The following CCDC50 variants were observed in gnomAD, a reference collection of about 807,000 sequenced individuals.
The protein encoded by CCDC50 is coiled-coil domain-containing protein 50.
A neutral mutation model predicts 70.2 loss-of-function variants in CCDC50; 54 were observed. That is an observed-to-expected ratio of 0.77 (90% CI 0.62 to 0.96). The LOEUF is 0.96. CCDC50 is among the 50% of genes least tolerant of loss of function. The pLI, the probability that CCDC50 is intolerant of heterozygous loss-of-function variation, is 0.00. For missense variants in CCDC50, 558 were observed against 578.7 expected (o/e 0.96, Z 0.37); for synonymous variants, 216 against 198.8 (o/e 1.09, Z -0.73).
At chr3:191,374,987 C>T (rs113203739) in intron 5 of CCDC50, 75 bp from the exon 6 acceptor site, 3 of 1,447,660 alleles carry the variant, frequency 2.1e-6, no homozygotes, top group Admixed American at 1.7e-5. Context: ...CAGACTCCCC[C>T]CTGTGTAGTG....
At chr3:191,365,088 A>ATGTGTGTGTGTGTGTG (rs111869044) in intron 4 of CCDC50, among the ~76,000 whole-genome samples, 52 of 151,590 alleles carry the variant, frequency 3.4e-4, no homozygotes, top group African/African-American at 1.3e-3. Context: ...GCATGACTAG[A>ATGTGTGTGTGTGTGTG]TGTGTGTGTG....
chr3:191,365,464 A>G (rs1349458815), intron 4 of CCDC50, among the ~76,000 whole-genome samples: 1 of 152,182 alleles, frequency 6.6e-6, no homozygotes, highest in Admixed American at 6.5e-5. Flanking sequence ...AAATATGACT[A>G]GAAAGGGAGA....
intron 1 of CCDC50, among the ~76,000 whole-genome samples, chr3:191,342,992 G>A (rs1339207855): frequency 6.6e-6 from 1 of 152,160 alleles, no homozygotes; most frequent in East Asian, 1.9e-4. Flanking sequence ...CCCTTGAACA[G>A]TGTGGGTTTG....
At position 191,361,178 on chromosome 3, in the gene CCDC50, C is replaced by G. The variant is rs1202298596; in HGVS notation, c.330+19C>G. 1 of 1,567,598 alleles carries G rather than the reference C, an allele frequency of 6.4e-7. No individual in the cohort carries two copies. Among genetic ancestry groups the G allele is most frequent in the South Asian group, 1.1e-5 (1 of 90,210 alleles). On this transcript the variant is annotated intron_variant, in intron 4 of 11. Coordinates refer to ENST00000392455, the MANE Select transcript of CCDC50 (RefSeq NM_178335.3). ...GGATGAGGTATAACTTAGTTACTGC[C>G]CCTCTCCCTCATGGAGAAAGGGGTG...
Position 191,329,558 on chromosome 3 carries a change from C to A in CCDC50, c.-117C>A. The A allele has an allele frequency of 1.0e-6, 1 of 999,016 alleles. No individual in the cohort carries two copies. Among genetic ancestry groups the A allele is most frequent in the Non-Finnish European group, 1.4e-6 (1 of 701,340 alleles). The allele number at this position is 999,016 out of a possible 1,614,324, so 61.9% of individuals were successfully genotyped here. A position where few individuals can be genotyped will look rare whatever the true frequency, so the allele number is the denominator to read the frequency against. ...CCCGCTCCGTTCTCCGGCCTGCGAG[C>A]CCTGCCGGCCGGACTTTGCGCCGCG... On this transcript the variant is annotated 5_prime_UTR_variant, in exon 1 of 12. Coordinates refer to ENST00000392455, the MANE Select transcript of CCDC50 (RefSeq NM_178335.3).
chr3:191,341,929 G>A (rs1711746392), intron 1 of CCDC50, among the ~76,000 whole-genome samples: 1 of 152,094 alleles, frequency 6.6e-6, no homozygotes, highest in Admixed American at 6.6e-5. Flanking sequence ...TTATTTTTAT[G>A]TAAGCTTACT....
rs771301925 is a variant in CCDC50, at chr3:191,398,541, G to A, written c.*6781G>A. The A allele has an allele frequency of 6.6e-6, 1 of 152,080 alleles. No individual in the cohort carries two copies. The highest frequency in any genetic ancestry group is 2.4e-5 in the African/African-American group (1 of 41,402). The allele number at this position is 152,080 out of a possible 1,614,324, so 9.4% of individuals were successfully genotyped here. A position where few individuals can be genotyped will look rare whatever the true frequency, so the allele number is the denominator to read the frequency against. ...ATTATTTACAAAATGACCCTAATAGGTCTGTTTAGTAACAGTGAAATTTTT... is the reference window on the plus strand; with the variant it reads ...ATTATTTACAAAATGACCCTAATAGATCTGTTTAGTAACAGTGAAATTTTT... On this transcript the variant is annotated 3_prime_UTR_variant, in exon 12 of 12. Coordinates refer to ENST00000392455, the MANE Select transcript of CCDC50 (RefSeq NM_178335.3).
chr3:191,361,573 T>G (rs1019555274), intron 4 of CCDC50, among the ~76,000 whole-genome samples: 1 of 152,210 alleles, frequency 6.6e-6, no homozygotes, highest in African/African-American at 2.4e-5. Context: ...ATTCCTTGGC[T>G]TGTATCTGCA....
chr3:191,369,811 C>T, intron 4 of CCDC50, 108 bp from the exon 5 acceptor site: 1 of 785,150 alleles, frequency 1.3e-6, no homozygotes. Context: ...GTCTAGAGAG[C>T]CATGGACAGA....
At chr3:191,378,566 A>G (rs1438162258) in intron 6 of CCDC50, among the ~76,000 whole-genome samples, 2 of 152,054 alleles carry the variant, frequency 1.3e-5, no homozygotes, top group East Asian at 3.8e-4. Flanking sequence ...AGATTGGAAC[A>G]TGGTTTATAT....
chr3:191,362,442 A>G (rs1209240659), intron 4 of CCDC50, among the ~76,000 whole-genome samples: 1 of 152,168 alleles, frequency 6.6e-6, no homozygotes, highest in African/African-American at 2.4e-5. Flanking sequence ...AGCACTTCTT[A>G]TGAACAATTT....
chr3:191,377,642 A>G (rs2108664852), intron 6 of CCDC50, among the ~76,000 whole-genome samples: 1 of 152,242 alleles, frequency 6.6e-6, no homozygotes, highest in African/African-American at 2.4e-5. Flanking sequence ...GGCTTATTAC[A>G]AATACTCTTA....
intron 3 of CCDC50, among the ~76,000 whole-genome samples, 152 bp from the exon 4 acceptor site, chr3:191,360,916 CG>C (rs1712464470): frequency 6.6e-6 from 1 of 152,050 alleles, no homozygotes; most frequent in Non-Finnish European, 1.5e-5. Context: ...TAAATGTGAC[CG>C]TGTCAGCCTC....
chr3:191,386,505 G>A (rs399575), intron 10 of CCDC50, among the ~76,000 whole-genome samples: 64,000 of 151,812 alleles, frequency 0.42, 15,132 homozygotes, highest in Non-Finnish European at 0.53. Flanking sequence ...GATTACAGGC[G>A]TGAGCCACCG....
intron 4 of CCDC50, among the ~76,000 whole-genome samples, chr3:191,369,645 T>C (rs1168951523): frequency 6.6e-6 from 1 of 152,242 alleles, no homozygotes; most frequent in Non-Finnish European, 1.5e-5. Flanking sequence ...AATTCTGTTG[T>C]GTAACCTGCT....
intron 4 of CCDC50, among the ~76,000 whole-genome samples, chr3:191,361,784 G>C (rs927798444): frequency 3.9e-5 from 6 of 152,182 alleles, no homozygotes; most frequent in African/African-American, 1.4e-4. Context: ...AATGAATTTA[G>C]AGAGGGCACA....
chr3:191,339,458 C>T (rs577204370), intron 1 of CCDC50, among the ~76,000 whole-genome samples: 78 of 152,280 alleles, frequency 5.1e-4, no homozygotes, highest in African/African-American at 1.8e-3. Flanking sequence ...ATCTTGTCTT[C>T]CTGTTCCTAG....
Position 191,389,853 on chromosome 3 carries a change from C to CTTTTTT in CCDC50, c.1429+271_1429+276dup, listed in dbSNP as rs10635756. Among the ~76,000 whole-genome samples, 106 of 84,626 alleles carry CTTTTTT rather than the reference C, an allele frequency of 1.3e-3. 2 individuals are homozygous for CTTTTTT. The highest frequency in any genetic ancestry group is 1.8e-3 in the African/African-American group (36 of 20,224). 55.5% of individuals were successfully genotyped at this position (84,626 alleles called of 152,430 possible). A position where few individuals can be genotyped will look rare whatever the true frequency, so the allele number is the denominator to read the frequency against. On this transcript the variant is annotated intron_variant, in intron 11 of 11. Coordinates refer to ENST00000392455, the MANE Select transcript of CCDC50 (RefSeq NM_178335.3). ...GAGCACAACGCTTTCATCAAATTCA[C>CTTTTTT]TTTTTTTTTTTTTTTTTTTTTTTTT...
At chr3:191,344,915 A>C (rs1711859087) in intron 1 of CCDC50, among the ~76,000 whole-genome samples, 1 of 152,182 alleles carries the variant, frequency 6.6e-6, no homozygotes, top group South Asian at 2.1e-4. Flanking sequence ...ATTGAGCGTT[A>C]GACTGTGAGG....
Sources: gnomAD v4.1 joint callset for allele counts (sites outside exome capture counted in the v4.1 genomes callset) on GRCh38, gnomAD v4.1.1 for gene constraint, MANE v1.5 for transcripts, NCBI Gene and HGNC (gene_info 2026-07-23, HGNC 2026-07-21) for gene names.